The following SDK1 variants were observed in gnomAD, a reference collection of about 807,000 sequenced individuals.
SDK1 encodes the protein protein sidekick-1.
Under a neutral mutation model 245.5 loss-of-function variants are expected in SDK1, and 157 were observed. That is an observed-to-expected ratio of 0.64 (90% confidence interval 0.56 to 0.73). SDK1 has a LOEUF of 0.73. Among genes scored for constraint, SDK1 ranks in the 30% least tolerant of loss-of-function variants. SDK1 has a pLI of 0.00. For missense variants in SDK1, 3,583 were observed against 3,002.3 expected (o/e 1.19, Z -4.52); for synonymous variants, 1,647 against 1,278.5 (o/e 1.29, Z -6.15).
At chr7:3,732,171 T>C (rs538557921) in intron 4 of SDK1, among the ~76,000 whole-genome samples, 2 of 152,360 alleles carry the variant, frequency 1.3e-5, no homozygotes, top group East Asian at 3.9e-4. Flanking sequence ...GGGCTTTCTC[T>C]GTGTTGAAGT....
At chr7:3,380,615 A>C (rs892169613) in intron 1 of SDK1, among the ~76,000 whole-genome samples, 2 of 152,230 alleles carry the variant, frequency 1.3e-5, no homozygotes, top group Non-Finnish European at 2.9e-5. Context: ...ACTTAAAGGC[A>C]CAAGCTTTAA....
intron 1 of SDK1, among the ~76,000 whole-genome samples, chr7:3,495,440 G>GTA (rs779209145): frequency 7.9e-5 from 12 of 151,558 alleles, no homozygotes; most frequent in Non-Finnish European, 1.6e-4. Flanking sequence ...TGTATTTTTA[G>GTA]TAGAGATGAA....
At chr7:4,176,117 C>A (rs945908287) in intron 34 of SDK1, among the ~76,000 whole-genome samples, 9 of 148,528 alleles carry the variant, frequency 6.1e-5, no homozygotes, top group Non-Finnish European at 1.4e-4. Context: ...CTTCCTTCTT[C>A]CTTTTTTTTT....
chr7:3,865,069 TC>T (rs1378283098), intron 5 of SDK1, among the ~76,000 whole-genome samples: 1 of 152,030 alleles, frequency 6.6e-6, no homozygotes, highest in African/African-American at 2.4e-5. Context: ...TGGCATGAGG[TC>T]CCCGTGCCCT....
chr7:3,425,808 C>T (rs1170519416), intron 1 of SDK1, among the ~76,000 whole-genome samples: 1 of 152,116 alleles, frequency 6.6e-6, no homozygotes, highest in African/African-American at 2.4e-5. Flanking sequence ...AAAAAGCCAG[C>T]CATGATGATC....
intron 4 of SDK1, among the ~76,000 whole-genome samples, chr7:3,691,516 T>C (rs1286375058): frequency 1.3e-5 from 2 of 152,248 alleles, no homozygotes; most frequent in East Asian, 3.9e-4. Context: ...TCTCTCCCCT[T>C]TTCAGGGATC....
chr7:3,955,188 C>T (rs1781161670), intron 7 of SDK1, among the ~76,000 whole-genome samples: 1 of 152,226 alleles, frequency 6.6e-6, no homozygotes, highest in South Asian at 2.1e-4. Context: ...GGGGCATCTG[C>T]TGCCAGCCCC....
intron 1 of SDK1, among the ~76,000 whole-genome samples, chr7:3,359,783 A>G (rs1780903996): frequency 6.6e-6 from 1 of 152,166 alleles, no homozygotes; most frequent in South Asian, 2.1e-4. Flanking sequence ...TCTTTGGGGG[A>G]TGTGACATTC....
intron 5 of SDK1, among the ~76,000 whole-genome samples, chr7:3,830,364 C>T (rs1028146328): frequency 4.6e-5 from 7 of 152,206 alleles, no homozygotes; most frequent in Non-Finnish European, 1.0e-4. Flanking sequence ...AGTAATTCCT[C>T]CAATCTACCT....
intron 9 of SDK1, 36 bp downstream of exon 9, chr7:3,962,887 A>T (rs758923628): frequency 9.2e-6 from 14 of 1,527,656 alleles, no homozygotes; most frequent in Non-Finnish European, 1.2e-5. Flanking sequence ...CCTGACCTGG[A>T]CGTATCCAGT....
intron 1 of SDK1, among the ~76,000 whole-genome samples, chr7:3,543,349 C>G (rs184219237): frequency 1.3e-5 from 2 of 152,358 alleles, no homozygotes; most frequent in East Asian, 1.9e-4. Context: ...CTATCTGTTG[C>G]AAGTGTGAGG....
In SDK1 at chr7:3,579,275, T is replaced by A. The variant is rs112180917; in HGVS notation, c.299-39805T>A. On this transcript the variant is annotated intron_variant, in intron 1 of 44. Coordinates refer to ENST00000404826, the MANE Select transcript of SDK1 (RefSeq NM_152744.4). ...TCCTTGATGAACGTTGATGGAAATATCTGCAACAAAATACCTGCAAACCAA... is the reference window on the plus strand; with the variant it reads ...TCCTTGATGAACGTTGATGGAAATAACTGCAACAAAATACCTGCAAACCAA... 5.4e-3 allele frequency among the ~76,000 whole-genome samples: 828 copies of A among 152,274 alleles called. 12 individuals are homozygous for A. Among genetic ancestry groups the A allele is most frequent in the South Asian group, 0.018 (87 of 4,818 alleles).
At position 4,049,356 on chromosome 7, in the gene SDK1, G is replaced by T; in HGVS notation, c.2611G>T (p.Ala871Ser). The T allele has an allele frequency of 6.2e-7, 1 of 1,613,786 alleles. No individual in the cohort carries two copies. ...TEYTLQGVPTAPPQNVQTEAV... is the reference protein window; with the variant it reads ...TEYTLQGVPTSPPQNVQTEAV... ...TGACTGCCCTGCCACAGTGCCCACC[G>T]CGCCCCCGCAGAACGTGCAGACGGA... The change falls in exon 18 of 45, where the codon GCG (alanine) becomes TCG (serine). Residue 871 changes from alanine (A) to serine (S), a missense_variant. By Grantham distance (99) the Ala-to-Ser change is moderately conservative. Transcript: ENST00000404826.
chr7:3,951,145 T>G (rs181832520), intron 6 of SDK1, 111 bp downstream of exon 6: 1 of 814,054 alleles, frequency 1.2e-6, no homozygotes, highest in Admixed American at 2.1e-5. Context: ...GCGACAGTGG[T>G]CTTGTTTGGC....
intron 5 of SDK1, among the ~76,000 whole-genome samples, chr7:3,834,686 A>G (rs1779991285): frequency 6.6e-6 from 1 of 152,160 alleles, no homozygotes; most frequent in South Asian, 2.1e-4. Context: ...TTCCAAGAGA[A>G]TCCTTATTGA....
intron 13 of SDK1, among the ~76,000 whole-genome samples, chr7:3,985,714 C>T (rs1016735762): frequency 4.1e-4 from 63 of 152,204 alleles, no homozygotes; most frequent in African/African-American, 1.2e-3. Context: ...ATCCTGGGCT[C>T]GCATTTATTC....
chr7:3,808,016 C>T (rs1326912979), intron 4 of SDK1, among the ~76,000 whole-genome samples: 1 of 152,146 alleles, frequency 6.6e-6, no homozygotes, highest in Non-Finnish European at 1.5e-5. Context: ...GCATCTGGCC[C>T]GTTGTCAAAG....
chr7:4,148,937 T>G (rs1048129030), intron 29 of SDK1, among the ~76,000 whole-genome samples: 1 of 152,102 alleles, frequency 6.6e-6, no homozygotes, highest in Admixed American at 6.6e-5. Flanking sequence ...ACACCTGTAG[T>G]CCCAGCTACT....
chr7:3,863,160 C>T (rs188796113), intron 5 of SDK1, among the ~76,000 whole-genome samples: 1 of 152,284 alleles, frequency 6.6e-6, no homozygotes, highest in South Asian at 2.1e-4. Context: ...CCATTCACTT[C>T]TGTTCCAGGC....
Sources: gnomAD v4.1 joint callset for allele counts (sites outside exome capture counted in the v4.1 genomes callset) on GRCh38, gnomAD v4.1.1 for gene constraint, MANE v1.5 for transcripts, NCBI Gene and HGNC (gene_info 2026-07-23, HGNC 2026-07-21) for gene names.